The following SPAG16 variants were observed in gnomAD, a reference collection of about 807,000 sequenced individuals.
The protein encoded by SPAG16 is sperm-associated antigen 16 protein.
In SPAG16, 86 loss-of-function variants were observed where a neutral mutation model predicts 80.4. The ratio of observed to expected loss-of-function variants is 1.07; its 90% CI spans 0.90 to 1.28. SPAG16 has a LOEUF of 1.28. SPAG16 is among the 50% of genes most tolerant of loss of function. The probability of loss-of-function intolerance (pLI) is 0.00; values close to 1 mark genes in which losing one functional copy is unlikely to be tolerated. For missense variants in SPAG16, 870 were observed against 765.3 expected (o/e 1.14, Z -1.61); for synonymous variants, 294 against 265.9 (o/e 1.11, Z -1.03).
At chr2:214,379,893 C>T (rs1700350065) in intron 15 of SPAG16, among the ~76,000 whole-genome samples, 1 of 152,170 alleles carries the variant, frequency 6.6e-6, no homozygotes, top group Non-Finnish European at 1.5e-5. Flanking sequence ...CTTTGAGAAA[C>T]AACACACAAA....
intron 10 of SPAG16, among the ~76,000 whole-genome samples, chr2:213,562,464 A>G (rs1391051040): frequency 6.6e-6 from 1 of 152,228 alleles, no homozygotes; most frequent in Non-Finnish European, 1.5e-5. Flanking sequence ...TCAGGCTGCC[A>G]TAACATATCA....
chr2:213,700,218 T>TA (rs1198236869), intron 10 of SPAG16, among the ~76,000 whole-genome samples: 177 of 141,740 alleles, frequency 1.2e-3, no homozygotes, highest in South Asian at 0.011. Flanking sequence ...TTTTGACTGC[T>TA]AAAAAAAAAA....
chr2:214,289,742 A>AT (rs923613055), intron 15 of SPAG16, among the ~76,000 whole-genome samples: 17 of 150,024 alleles, frequency 1.1e-4, no homozygotes, highest in African/African-American at 2.3e-4. Context: ...GAATTCTATA[A>AT]TTTTTTTTAA....
intron 15 of SPAG16, among the ~76,000 whole-genome samples, chr2:214,165,087 C>T (rs574767078): frequency 1.1e-4 from 17 of 151,986 alleles, no homozygotes; most frequent in African/African-American, 3.9e-4. Context: ...ATGTTGATAA[C>T]ATTTAGAAGT....
At chr2:213,706,367 T>C (rs1370687445) in intron 10 of SPAG16, among the ~76,000 whole-genome samples, 2 of 152,238 alleles carry the variant, frequency 1.3e-5, no homozygotes, top group Admixed American at 6.5e-5. Context: ...TTTCTGTGAA[T>C]ATTGAATTAA....
At chr2:213,395,199 A>G (rs928201073) in intron 9 of SPAG16, among the ~76,000 whole-genome samples, 2 of 151,878 alleles carry the variant, frequency 1.3e-5, no homozygotes, top group Non-Finnish European at 2.9e-5. Flanking sequence ...AAACTTTTGT[A>G]TTAATTTCCT....
chr2:213,869,258 A>AAAAAAAAAAAAC (rs2075837862), intron 11 of SPAG16, among the ~76,000 whole-genome samples: 1 of 15,692 alleles, frequency 6.4e-5, no homozygotes, highest in Non-Finnish European at 4.0e-4. Context: ...CATGTCAAAA[A>AAAAAAAAAAAAC]AAAAAAATAT....
At chr2:213,959,167 T>G (rs112626909) in intron 12 of SPAG16, among the ~76,000 whole-genome samples, 1 of 152,180 alleles carries the variant, frequency 6.6e-6, no homozygotes, top group Non-Finnish European at 1.5e-5. Flanking sequence ...GTTGCTTATT[T>G]CTTAGAATTT....
chr2:213,495,880 G>A (rs1261743337), intron 10 of SPAG16, among the ~76,000 whole-genome samples: 1 of 152,178 alleles, frequency 6.6e-6, no homozygotes, highest in African/African-American at 2.4e-5. Context: ...GTCCGGCATG[G>A]ACAGAATAAG....
At chr2:213,412,907 A>C (rs1257667296) in intron 9 of SPAG16, among the ~76,000 whole-genome samples, 4 of 152,228 alleles carry the variant, frequency 2.6e-5, no homozygotes. Flanking sequence ...AAAATGGGTT[A>C]GAAAATTAAT....
intron 9 of SPAG16, among the ~76,000 whole-genome samples, chr2:213,418,856 G>T (rs918142878): frequency 6.6e-6 from 1 of 152,000 alleles, no homozygotes; most frequent in South Asian, 2.1e-4. Flanking sequence ...CATTGCTCTG[G>T]GTCTTTTAAA....
chr2:213,631,985 T>G (rs1300267987), intron 10 of SPAG16, among the ~76,000 whole-genome samples: 3 of 152,194 alleles, frequency 2.0e-5, no homozygotes, highest in Admixed American at 1.3e-4. Context: ...TGGTGCCATA[T>G]AAATATTAGG....
At chr2:214,012,317 AG>A (rs2047353339) in intron 12 of SPAG16, among the ~76,000 whole-genome samples, 1 of 64,468 alleles carries the variant, frequency 1.6e-5, no homozygotes, top group Non-Finnish European at 2.7e-5. Flanking sequence ...TTTCCTCGAG[AG>A]GGCATCTCGC....
chr2:213,367,219 G>C (rs944007764), intron 8 of SPAG16, among the ~76,000 whole-genome samples: 4 of 131,750 alleles, frequency 3.0e-5, no homozygotes, highest in African/African-American at 1.1e-4. Context: ...CCAAGTCTTT[G>C]CTATTGTGAA....
At chr2:214,276,471 C>G (rs142915102) in intron 15 of SPAG16, among the ~76,000 whole-genome samples, 1 of 152,160 alleles carries the variant, frequency 6.6e-6, no homozygotes, top group East Asian at 1.9e-4. Flanking sequence ...CCTTCAGGAG[C>G]TCTTTTAAGG....
chr2:214,008,764 A>G (rs567007652), intron 12 of SPAG16, among the ~76,000 whole-genome samples: 1 of 151,760 alleles, frequency 6.6e-6, no homozygotes, highest in African/African-American at 2.4e-5. Flanking sequence ...AAAAAAATAC[A>G]TGCTAGATGT....
intron 11 of SPAG16, among the ~76,000 whole-genome samples, chr2:213,922,806 C>T (rs188398922): frequency 1.3e-5 from 2 of 152,128 alleles, no homozygotes; most frequent in Admixed American, 6.5e-5. Flanking sequence ...TGGTGGCACC[C>T]TCTATGATTA....
chr2:213,699,730 T>C (rs1180477691), intron 10 of SPAG16, among the ~76,000 whole-genome samples: 1 of 152,226 alleles, frequency 6.6e-6, no homozygotes, highest in African/African-American at 2.4e-5. Context: ...GCACATTCCA[T>C]AGCAGCTTTG....
chr2:213,892,279 G>A (rs2076812361), intron 11 of SPAG16, among the ~76,000 whole-genome samples: 1 of 152,028 alleles, frequency 6.6e-6, no homozygotes, highest in Non-Finnish European at 1.5e-5. Context: ...ACCACCCAGA[G>A]CTGAAAAGGA....
Sources: gnomAD v4.1 joint callset for allele counts (sites outside exome capture counted in the v4.1 genomes callset) on GRCh38, gnomAD v4.1.1 for gene constraint, MANE v1.5 for transcripts, NCBI Gene and HGNC (gene_info 2026-07-23, HGNC 2026-07-21) for gene names.